Variants in ANXA5 observed in about 807,000 individuals in gnomAD.
The protein encoded by ANXA5 is CBP-I.
ANXA5 carries 40 observed loss-of-function variants against 48.1 expected under a neutral mutation model. The ratio of observed to expected loss-of-function variants is 0.83; its 90% CI spans 0.65 to 1.08. The LOEUF is 1.08. ANXA5 is among the 50% of genes least tolerant of loss of function. The pLI is 0.00. For missense variants in ANXA5, 357 were observed against 376.8 expected, an observed-to-expected ratio of 0.95 and a Z score of 0.44; for synonymous variants, 113 against 129.1, an observed-to-expected ratio of 0.88 and a Z score of 0.85.
intron 8 of ANXA5, among the ~76,000 whole-genome samples, chr4:121,676,732 A>G (rs1313947383): frequency 2.6e-5 from 4 of 152,006 alleles, no homozygotes; most frequent in African/African-American, 7.3e-5. Flanking sequence ...AAAGTATCTA[A>G]GCTGAAGACT....
chr4:121,687,545 C>CAA (rs1452587507), intron 2 of ANXA5, among the ~76,000 whole-genome samples: 5 of 152,150 alleles, frequency 3.3e-5, no homozygotes, highest in Non-Finnish European at 5.9e-5. Flanking sequence ...TATAAATGCA[C>CAA]AAAAGCACAG....
At chr4:121,675,044 C>CT (rs1724675200) in intron 8 of ANXA5, among the ~76,000 whole-genome samples, 1 of 152,108 alleles carries the variant, frequency 6.6e-6, no homozygotes, top group Non-Finnish European at 1.5e-5. Context: ...GTAGCAAATG[C>CT]CCAGTAAAAG....
At chr4:121,671,742 T>C in intron 9 of ANXA5, 100 bp from the exon 10 acceptor site, 4 of 778,960 alleles carry the variant, frequency 5.1e-6, no homozygotes, top group Non-Finnish European at 8.5e-6. Flanking sequence ...AACACAAATC[T>C]CCCCTTCTTC....
chr4:121,684,600 A>G, intron 4 of ANXA5, 77 bp downstream of exon 4: 2 of 1,182,056 alleles, frequency 1.7e-6, no homozygotes. Flanking sequence ...TTACAAAAGA[A>G]TATCAGTATA....
rs993601337 is a variant in ANXA5, at chr4:121,695,052, T to C, written c.9+1529A>G. Among the ~76,000 whole-genome samples the C allele has an allele frequency of 1.1e-4, 16 of 152,354 alleles. No individual in the cohort carries two copies. The Middle Eastern group carries it at 0.01, about 97-fold the overall frequency. On this transcript the variant is annotated intron_variant, in intron 2 of 12. Coordinates refer to ENST00000296511, the MANE Select transcript of ANXA5 (RefSeq NM_001154.4). ...GACCCTCAGACATCACTGGGGAACT[T>C]ACAAGAGATTCAAGAAACTGCTAAA...
intron 8 of ANXA5, among the ~76,000 whole-genome samples, chr4:121,674,467 C>T (rs1326766227): frequency 6.6e-6 from 1 of 152,086 alleles, no homozygotes; most frequent in African/African-American, 2.4e-5. Context: ...ACATTAACAC[C>T]TAAATGGGTA....
rs146149234 is a variant in ANXA5 at position 121,687,854 on chromosome 4, T to C, written c.10-1482A>G. On this transcript the variant is annotated intron_variant, in intron 2 of 12. Coordinates refer to ENST00000296511, the MANE Select transcript of ANXA5 (RefSeq NM_001154.4). ...CCCTCTTCTCAACTAGTCCTTGTCATTGGGCCTCCTTTGCCTGCCTAGCAA... is the reference window on the plus strand; with the variant it reads ...CCCTCTTCTCAACTAGTCCTTGTCACTGGGCCTCCTTTGCCTGCCTAGCAA... Among the ~76,000 whole-genome samples, 626 of 152,314 alleles carry C rather than the reference T, an allele frequency of 4.1e-3. 5 individuals are homozygous for C. The highest frequency in any genetic ancestry group is 0.01 in the Middle Eastern group (3 of 294).
At chr4:121,685,099 C>T (rs1246345970) in intron 3 of ANXA5, among the ~76,000 whole-genome samples, 1 of 151,064 alleles carries the variant, frequency 6.6e-6, no homozygotes, top group Non-Finnish European at 1.5e-5. Context: ...GACGCAAATA[C>T]ACACATATAT....
chr4:121,684,905 C>T (rs775466235), intron 3 of ANXA5, 134 bp from the exon 4 acceptor site: 25 of 640,026 alleles, frequency 3.9e-5, no homozygotes, highest in Non-Finnish European at 5.0e-5. Context: ...TTATGGCCGG[C>T]GCAGTGGCTC....
At chr4:121,684,234 T>C (rs987624086) in intron 4 of ANXA5, among the ~76,000 whole-genome samples, 3 of 152,120 alleles carry the variant, frequency 2.0e-5, no homozygotes, top group African/African-American at 7.2e-5. Flanking sequence ...TAAATTTTTT[T>C]GAATTATTAA....
At chr4:121,673,679 A>G (rs940193667) in intron 8 of ANXA5, among the ~76,000 whole-genome samples, 3 of 152,188 alleles carry the variant, frequency 2.0e-5, no homozygotes, top group Non-Finnish European at 2.9e-5. Context: ...TTTTAAAGAT[A>G]AAAATGAATA....
At position 121,669,742 on chromosome 4, in the gene ANXA5, A is replaced by G. The variant is rs72911841; in HGVS notation, c.781-18T>C. On this transcript the variant is annotated intron_variant, in intron 11 of 12. Coordinates refer to ENST00000296511, the MANE Select transcript of ANXA5 (RefSeq NM_001154.4). ...CCAGCTCCCTTTAAAAAAAAAAAAAAAGAGAGAAGCAAAATGCTTAAAAAC... is the reference window on the plus strand; with the variant it reads ...CCAGCTCCCTTTAAAAAAAAAAAAAGAGAGAGAAGCAAAATGCTTAAAAAC... The G allele has an allele frequency of 1.6e-4, 260 of 1,577,378 alleles. 1 individual carries two copies. In the African/African-American group the frequency reaches 2.1e-3, roughly 12 times the overall value.
rs542133861 is a variant in ANXA5 at position 121,672,575 on chromosome 4, T to C, written c.583A>G (p.Ile195Val). ...LKWGTDEEKFITIFGTRSVSH... is the reference protein window; with the variant it reads ...LKWGTDEEKFVTIFGTRSVSH... ...ACACTTCGTGTTCCAAAGATGGTGATAAACTTTTCTTCATCTGTCCCCCAT... is the reference window on the plus strand; with the variant it reads ...ACACTTCGTGTTCCAAAGATGGTGACAAACTTTTCTTCATCTGTCCCCCAT... Residue 195 changes from isoleucine to valine, a missense_variant, in exon 9 of 13, where the codon ATC (isoleucine) becomes GTC (valine). Transcript: ENST00000296511. 45 of 1,613,920 alleles carry C rather than the reference T, an allele frequency of 2.8e-5. No individual in the cohort carries two copies. The highest frequency in any genetic ancestry group is 3.6e-5 in the Non-Finnish European group (43 of 1,179,898).
intron 1 of ANXA5, 102 bp from the exon 2 acceptor site, chr4:121,696,726 G>A: frequency 1.3e-6 from 1 of 742,218 alleles, no homozygotes; most frequent in South Asian, 6.1e-5. Context: ...ACAGCCCGGA[G>A]GGCCCCGCCA....
chr4:121,695,714 C>A (rs1475114912), intron 2 of ANXA5, among the ~76,000 whole-genome samples: 2 of 152,014 alleles, frequency 1.3e-5, no homozygotes, highest in Non-Finnish European at 2.9e-5. Context: ...ACCAGCCTGG[C>A]CAACATGGTG....
In ANXA5 at chr4:121,681,690, G is replaced by C. The variant is rs769305367; in HGVS notation, c.375C>G (p.Ile125Met). Residue 125 changes from isoleucine to methionine, a missense_variant, in exon 6 of 13, where the codon ATC becomes ATG. Coordinates refer to ENST00000296511, the MANE Select transcript of ANXA5 (RefSeq NM_001154.4). ...ATTTACCTTCTTCATAAACTTGTTT[G>C]ATGGCTCTCAGTTCTTCAGGTGTCC... ...ASRTPEELRA[I>M]KQVYEEEYGS... 1 of 1,611,462 alleles carries C rather than the reference G, an allele frequency of 6.2e-7. No individual in the cohort carries two copies. Among genetic ancestry groups the C allele is most frequent in the East Asian group, 2.2e-5 (1 of 44,752 alleles).
At chr4:121,679,106 A>C (rs1045213094) in intron 6 of ANXA5, among the ~76,000 whole-genome samples, 3 of 151,872 alleles carry the variant, frequency 2.0e-5, no homozygotes, top group African/African-American at 7.3e-5. Flanking sequence ...GATGCTATTA[A>C]AGGAAAGGAG....
Position 121,684,661 on chromosome 4 carries a change from TGAA to T in ANXA5, c.189+13_189+15del, listed in dbSNP as rs749475839. 6.2e-7 allele frequency: 1 copy of T among 1,607,458 alleles called. No individual in the cohort carries two copies. The highest frequency in any genetic ancestry group is 1.3e-5 in the African/African-American group (1 of 74,774). ...GCTGTTCTCCCATTCTCTCTTGGGATGAAGTGTGGTCTTACCCTGCCAAACAGA... is the reference window on the plus strand; with the variant it reads ...GCTGTTCTCCCATTCTCTCTTGGGATGTGTGGTCTTACCCTGCCAAACAGA... On this transcript the variant is annotated intron_variant, in intron 4 of 12. Coordinates refer to ENST00000296511, the MANE Select transcript of ANXA5 (RefSeq NM_001154.4).
At chr4:121,681,036 G>A (rs1204749741) in intron 6 of ANXA5, among the ~76,000 whole-genome samples, 1 of 152,172 alleles carries the variant, frequency 6.6e-6, no homozygotes, top group Non-Finnish European at 1.5e-5. Flanking sequence ...GCAGGAGAAA[G>A]AGTTGGCTAC....
Sources: allele counts gnomAD v4.1 joint callset (sites outside exome capture counted in the v4.1 genomes callset), GRCh38; gene constraint gnomAD v4.1.1; transcripts MANE v1.5; gene names NCBI Gene and HGNC (gene_info 2026-07-23, HGNC 2026-07-21).